Variants in RAB11FIP2 observed in about 807,000 individuals in gnomAD.
RAB11FIP2 encodes the protein rab11 family-interacting protein 2.
In RAB11FIP2, 16 loss-of-function variants were observed where a neutral mutation model predicts 40.9. The ratio of observed to expected loss-of-function variants is 0.39; its 90% confidence interval spans 0.26 to 0.59. The LOEUF (loss-of-function observed/expected upper bound fraction) is 0.59, where lower values mean the gene tolerates loss of function less well. Ranked by LOEUF, RAB11FIP2 falls within the 20% of genes least tolerant of loss-of-function variation. The pLI, the probability that RAB11FIP2 is intolerant of heterozygous loss-of-function variation, is 0.53. For synonymous variants in RAB11FIP2, 228 were observed against 213.7 expected (o/e 1.07, Z -0.58); for missense variants, 532 against 606.2 (o/e 0.88, Z 1.28).
intron 3 of RAB11FIP2, among the ~76,000 whole-genome samples, chr10:118,036,275 T>A (rs753344394): frequency 1.3e-5 from 2 of 152,032 alleles, no homozygotes; most frequent in African/African-American, 4.8e-5. Context: ...TTCAGCATTC[T>A]CACAAACACT....
At chr10:118,035,425 T>C (rs936262342) in intron 3 of RAB11FIP2, among the ~76,000 whole-genome samples, 4 of 152,140 alleles carry the variant, frequency 2.6e-5, no homozygotes, top group African/African-American at 9.7e-5. Flanking sequence ...AATGCATACA[T>C]ACGGCTTTAT....
At chr10:118,035,618 A>AT (rs1440064145) in intron 3 of RAB11FIP2, among the ~76,000 whole-genome samples, 1 of 152,270 alleles carries the variant, frequency 6.6e-6, no homozygotes, top group East Asian at 1.9e-4. Context: ...TTTATTCAAA[A>AT]TATCTAATAC....
In RAB11FIP2 at chr10:118,009,151, T is replaced by C. The variant is rs2133159604; in HGVS notation, c.1386A>G (p.Lys462=). Residue 462 remains lysine (K), a synonymous_variant, in exon 5 of 5, where the codon AAA becomes AAG. Transcript: ENST00000355624. ...CTTTCCTCCTAAGGAGTTCTTTGTG[T>C]TTCACCAGCTCCTGTAGAACCTCTT... The part of the protein sequence containing the change: ...TYEEVLQELV[K]HKELLRRKDT... 1 of 1,613,630 alleles carries C rather than the reference T, an allele frequency of 6.2e-7. No homozygotes were observed.
intron 4 of RAB11FIP2, among the ~76,000 whole-genome samples, chr10:118,010,667 G>A (rs1320654181): frequency 1.3e-5 from 2 of 152,108 alleles, no homozygotes; most frequent in African/African-American, 4.8e-5. Context: ...TCCAGGATAA[G>A]TGAAAACATT....
chr10:118,018,627 C>G (rs1033748906), intron 3 of RAB11FIP2, among the ~76,000 whole-genome samples: 2 of 152,120 alleles, frequency 1.3e-5, no homozygotes, highest in Non-Finnish European at 2.9e-5. Flanking sequence ...GAATTTTCCC[C>G]AGTAAACTGT....
intron 3 of RAB11FIP2, among the ~76,000 whole-genome samples, chr10:118,036,416 T>C (rs1589646790): frequency 6.6e-6 from 1 of 152,062 alleles, no homozygotes; most frequent in African/African-American, 2.4e-5. Context: ...TGTGAGAAAT[T>C]TAAAATGTCC....
Position 118,046,296 on chromosome 10 carries a change from C to G in RAB11FIP2, c.-133G>C, listed in dbSNP as rs1589650844. ...GGCAGGCTCAGGGCTCCCCGACTTC[C>G]CTATGGCTGATGTCAAAACGCCTCG... is the stretch of plus-strand genomic sequence containing the variant. On this transcript the variant is annotated 5_prime_UTR_variant, in exon 1 of 5. Coordinates refer to ENST00000355624, the MANE Select transcript of RAB11FIP2 (RefSeq NM_014904.3). 3.8e-6 allele frequency: 3 copies of G among 796,006 alleles called. No homozygotes were observed. The East Asian group carries it at 7.5e-5, about 20-fold the overall frequency. 49.3% of individuals were successfully genotyped at this position (796,006 alleles called of 1,614,324 possible).
At position 118,029,128 on chromosome 10, in the gene RAB11FIP2, TTTA is replaced by T. The variant is rs547182647; in HGVS notation, c.1265+9841_1265+9843del. ...CATTGTTGTACTAAATTAAATGGGT[TTTA>T]AAAATGTTACATTTCATTAAACTTA... On this transcript the variant is annotated intron_variant, in intron 3 of 4. Coordinates refer to ENST00000355624, the MANE Select transcript of RAB11FIP2 (RefSeq NM_014904.3). Among the ~76,000 whole-genome samples the T allele has an allele frequency of 2.9e-4, 44 of 152,108 alleles. No homozygotes were observed. In the South Asian group the frequency reaches 8.7e-3, roughly 30 times the overall value.
chr10:118,024,431 T>C (rs1846318785), intron 3 of RAB11FIP2, among the ~76,000 whole-genome samples: 1 of 151,350 alleles, frequency 6.6e-6, no homozygotes, highest in African/African-American at 2.4e-5. Context: ...GAGTAGACCC[T>C]TGCCCGCCAC....
intron 3 of RAB11FIP2, among the ~76,000 whole-genome samples, chr10:118,035,083 T>C (rs972599778): frequency 2.6e-5 from 4 of 152,046 alleles, no homozygotes; most frequent in African/African-American, 9.7e-5. Flanking sequence ...CTCTCTCTCC[T>C]CCTGCGCTGC....
intron 3 of RAB11FIP2, 77 bp downstream of exon 3, chr10:118,038,895 G>T: frequency 1.1e-6 from 1 of 908,668 alleles, no homozygotes. Context: ...AAATATTCTA[G>T]CATTTAAAAG....
intron 3 of RAB11FIP2, among the ~76,000 whole-genome samples, chr10:118,024,831 C>T (rs1033577290): frequency 6.6e-5 from 10 of 152,248 alleles, no homozygotes; most frequent in Non-Finnish European, 1.2e-4. Flanking sequence ...TTGGAGAAGT[C>T]ACGGTGTCCT....
chr10:118,041,006 T>A (rs772398485), intron 1 of RAB11FIP2, among the ~76,000 whole-genome samples: 2 of 152,092 alleles, frequency 1.3e-5, no homozygotes, highest in Non-Finnish European at 2.9e-5. Context: ...ATAAAATGAA[T>A]CTCATGACAT....
chr10:118,039,285 G>C lies in RAB11FIP2; in HGVS notation c.952C>G (p.Leu318Val). 1.9e-6 allele frequency: 3 copies of C among 1,613,698 alleles called. No individual in the cohort carries two copies. The highest frequency in any genetic ancestry group is 2.5e-6 in the Non-Finnish European group (3 of 1,179,760). ...TCAAATGGATTTTTCTTCCTTGGCAGTGTTGCAAATTTTTGGGGTAATGAA... is the reference window on the plus strand; with the variant it reads ...TCAAATGGATTTTTCTTCCTTGGCACTGTTGCAAATTTTTGGGGTAATGAA... ...TASLPQKFAT[L>V]PRKKNPFEES... is the part of the protein sequence containing the mutation. Residue 318 changes from leucine (L) to valine (V), a missense_variant, in exon 3 of 5, where the codon CTG becomes GTG. Coordinates refer to ENST00000355624, the MANE Select transcript of RAB11FIP2 (RefSeq NM_014904.3).
chr10:118,042,242 T>G (rs974935365), intron 1 of RAB11FIP2, among the ~76,000 whole-genome samples: 1 of 151,862 alleles, frequency 6.6e-6, no homozygotes, highest in Admixed American at 6.6e-5. Context: ...ATGTAACAAA[T>G]CAAAGCAAAT....
At chr10:118,037,531 C>T (rs945995630) in intron 3 of RAB11FIP2, among the ~76,000 whole-genome samples, 3 of 152,032 alleles carry the variant, frequency 2.0e-5, no homozygotes, top group African/African-American at 4.8e-5. Flanking sequence ...GACGATACAT[C>T]AAACATAATT....
chr10:118,044,710 A>C (rs1387529938), intron 1 of RAB11FIP2, among the ~76,000 whole-genome samples: 1 of 152,112 alleles, frequency 6.6e-6, no homozygotes, highest in African/African-American at 2.4e-5. Flanking sequence ...TGAGAGTAGA[A>C]ATGTACAGAA....
At chr10:118,016,118 T>G (rs1200587771) in intron 3 of RAB11FIP2, among the ~76,000 whole-genome samples, 1 of 152,234 alleles carries the variant, frequency 6.6e-6, no homozygotes, top group Non-Finnish European at 1.5e-5. Flanking sequence ...CGCTCTAAGA[T>G]GTACAGGGCA....
chr10:118,046,000 GT>G lies in RAB11FIP2; in HGVS notation c.163del (p.Thr55ProfsTer18). ...CTCCTCCTTCCAAACTGGCTCAAGG[GT>G]TTTCTCAGCTACAGAGGTGGAGTAC... ...EKYSTSVAEK[T>X]LEPVWKEEAS... On this transcript the variant is annotated frameshift_variant, in exon 1 of 5. Transcript: ENST00000355624. LOFTEE classifies it high-confidence loss of function. 6.2e-7 allele frequency: 1 copy of G among 1,614,188 alleles called. No individual in the cohort carries two copies. Among genetic ancestry groups the G allele is most frequent in the Non-Finnish European group, 8.5e-7 (1 of 1,180,034 alleles).
Sources: gnomAD v4.1 joint callset for allele counts (sites outside exome capture counted in the v4.1 genomes callset) on GRCh38, gnomAD v4.1.1 for gene constraint, MANE v1.5 for transcripts, NCBI Gene and HGNC (gene_info 2026-07-23, HGNC 2026-07-21) for gene names.